The following CWC27 variants were observed in gnomAD, a reference collection of about 807,000 sequenced individuals.
CWC27 encodes the protein spliceosome-associated protein CWC27 homolog.
A neutral mutation model predicts 63.6 loss-of-function variants in CWC27; 47 were observed. That is an observed-to-expected ratio of 0.74 (90% confidence interval 0.58 to 0.94). The LOEUF is 0.94. CWC27 is among the 40% of genes least tolerant of loss of function. The pLI is 0.00. For synonymous variants in CWC27, 175 were observed against 179.8 expected (o/e 0.97, Z 0.22); for missense variants, 495 against 554.3 (o/e 0.89, Z 1.07).
At chr5:64,822,095 G>A (rs1020073452) in intron 10 of CWC27, among the ~76,000 whole-genome samples, 3 of 152,186 alleles carry the variant, frequency 2.0e-5, no homozygotes, top group African/African-American at 7.2e-5. Context: ...AAGATTTAAA[G>A]TTGGAAAGTT....
chr5:64,940,842 CTTTTTTTTTTT>C (rs70983655), intron 11 of CWC27, among the ~76,000 whole-genome samples: 4 of 64,964 alleles, frequency 6.2e-5, no homozygotes, highest in Non-Finnish European at 1.2e-4. Context: ...TTCTTTCTTT[CTTTTTTTTTTT>C]TTTTTTTTTT....
intron 13 of CWC27, among the ~76,000 whole-genome samples, chr5:65,006,049 A>C (rs1749835788): frequency 1.3e-5 from 2 of 152,142 alleles, no homozygotes; most frequent in Admixed American, 1.3e-4. Context: ...ATTTGAAATG[A>C]ATCTAAAGCT....
At chr5:64,956,762 T>A (rs1748810233) in intron 11 of CWC27, among the ~76,000 whole-genome samples, 1 of 152,170 alleles carries the variant, frequency 6.6e-6, no homozygotes, top group South Asian at 2.1e-4. Flanking sequence ...CTTTGAAGTC[T>A]GACAGCCTTG....
Position 64,918,917 on chromosome 5 carries a change from C to T in CWC27, c.1042+33371C>T, listed in dbSNP as rs115348134. Among the ~76,000 whole-genome samples, 62 of 152,204 alleles carry T rather than the reference C, an allele frequency of 4.1e-4. 1 individual carries two copies. The highest frequency in any genetic ancestry group is 1.4e-3 in the African/African-American group (57 of 41,536). Reference sequence around the variant, plus strand: ...TTGAACATGAGCAAAGCCATTCTTCCGGAGTTTATAAAACCCTTCAAGATT... The same window carrying T: ...TTGAACATGAGCAAAGCCATTCTTCTGGAGTTTATAAAACCCTTCAAGATT... On this transcript the variant is annotated intron_variant, in intron 11 of 13. Transcript: ENST00000381070.
chr5:64,782,327 A>G (rs1322966518), intron 3 of CWC27, among the ~76,000 whole-genome samples: 1 of 152,108 alleles, frequency 6.6e-6, no homozygotes, highest in African/African-American at 2.4e-5. Flanking sequence ...ACACGCCTGT[A>G]TTCCCAGCTA....
At chr5:64,891,535 AAG>A in intron 11 of CWC27, among the ~76,000 whole-genome samples, 1 of 152,366 alleles carries the variant, frequency 6.6e-6, no homozygotes, top group South Asian at 2.1e-4. Context: ...TTGGTAAAGT[AAG>A]AGATGATCAT....
At chr5:64,903,560 C>T (rs1474688248) in intron 11 of CWC27, among the ~76,000 whole-genome samples, 1 of 151,340 alleles carries the variant, frequency 6.6e-6, no homozygotes, top group Admixed American at 6.6e-5. Flanking sequence ...AGCATTAGGA[C>T]AACTACCTAA....
intron 13 of CWC27, among the ~76,000 whole-genome samples, chr5:64,991,301 C>A (rs151233934): frequency 1.5e-3 from 235 of 152,314 alleles, no homozygotes; most frequent in African/African-American, 5.3e-3. Context: ...GAATGCAGGG[C>A]TTTTGGGGAT....
chr5:64,900,040 A>C (rs1361197773), intron 11 of CWC27, among the ~76,000 whole-genome samples: 3 of 152,208 alleles, frequency 2.0e-5, no homozygotes, highest in Non-Finnish European at 4.4e-5. Flanking sequence ...GATATACCAC[A>C]AGTATTTTAT....
At position 65,018,090 on chromosome 5, in the gene CWC27, G is replaced by A. The variant is rs1580785114; in HGVS notation, c.1257-69G>A. ...CTTATGTTTCATTATGTCGATGATA[G>A]TAGAGTATAGAATTTCTACTGTAAG... On this transcript the variant is annotated intron_variant, in intron 13 of 13. Transcript: ENST00000381070. The A allele has an allele frequency of 6.0e-6, 8 of 1,325,118 alleles. No homozygotes were observed. In the East Asian group the frequency reaches 1.2e-4, roughly 20 times the overall value. 82.1% of individuals were successfully genotyped at this position (1,325,118 alleles called of 1,614,324 possible).
intron 1 of CWC27, among the ~76,000 whole-genome samples, chr5:64,769,791 G>T (rs1386012926): frequency 6.6e-6 from 1 of 152,190 alleles, no homozygotes; most frequent in Admixed American, 6.5e-5. Context: ...TTTTGAGCTG[G>T]TTTTAAAACC....
intron 13 of CWC27, among the ~76,000 whole-genome samples, chr5:64,985,384 T>A (rs1319457971): frequency 6.6e-6 from 1 of 152,234 alleles, no homozygotes; most frequent in Non-Finnish European, 1.5e-5. Context: ...TTTACTATGT[T>A]GAGTTTTCCA....
chr5:64,868,250 A>G (rs192469955), intron 10 of CWC27, among the ~76,000 whole-genome samples: 1 of 152,168 alleles, frequency 6.6e-6, no homozygotes, highest in African/African-American at 2.4e-5. Context: ...TTAGCTTATA[A>G]AGGGGCACCT....
At chr5:65,009,289 C>T (rs1749903861) in intron 13 of CWC27, among the ~76,000 whole-genome samples, 1 of 152,166 alleles carries the variant, frequency 6.6e-6, no homozygotes. Context: ...GGGATCCACC[C>T]CCATGACCCA....
intron 13 of CWC27, among the ~76,000 whole-genome samples, chr5:65,015,231 T>G (rs1489442928): frequency 1.3e-5 from 2 of 152,248 alleles, no homozygotes; most frequent in Non-Finnish European, 2.9e-5. Context: ...TTTTATATTC[T>G]TAATTGACAA....
rs373443413 is a variant in CWC27, at chr5:64,785,540, C to T, written c.456C>T (p.Asp152=). The T allele has an allele frequency of 1.7e-5, 27 of 1,586,614 alleles. No individual in the cohort carries two copies. The highest frequency in any genetic ancestry group is 3.4e-4 in the Middle Eastern group (2 of 5,970). ...TGTCAGAAGTAGACATTGATGATGA[C>T]GAAAGACCACATAATCCACACAAAA... The part of the protein sequence containing the change: ...LRLSEVDIDD[D]ERPHNPHKIK... The change falls in exon 5 of 14, where the codon GAC becomes GAT. Residue 152 remains aspartate, a synonymous_variant. Transcript: ENST00000381070.
intron 10 of CWC27, among the ~76,000 whole-genome samples, chr5:64,852,160 G>C (rs1206450607): frequency 6.6e-6 from 1 of 152,132 alleles, no homozygotes; most frequent in Non-Finnish European, 1.5e-5. Context: ...ACTGGTTAGA[G>C]TGCTTCAGTA....
At chr5:64,833,250 A>G (rs1745575866) in intron 10 of CWC27, among the ~76,000 whole-genome samples, 2 of 151,798 alleles carry the variant, frequency 1.3e-5, no homozygotes, top group Admixed American at 1.3e-4. Context: ...CTGCTTTCAA[A>G]TCAGCTCATG....
At chr5:64,951,062 A>T (rs1748697997) in intron 11 of CWC27, among the ~76,000 whole-genome samples, 2 of 151,910 alleles carry the variant, frequency 1.3e-5, no homozygotes, top group African/African-American at 4.8e-5. Flanking sequence ...AGTATTATGA[A>T]TAAAGCTGTT....
Sources: gnomAD v4.1 joint callset for allele counts (sites outside exome capture counted in the v4.1 genomes callset) on GRCh38, gnomAD v4.1.1 for gene constraint, MANE v1.5 for transcripts, NCBI Gene and HGNC (gene_info 2026-07-23, HGNC 2026-07-21) for gene names.